Variants in DNM1 observed in about 807,000 individuals in gnomAD.
DNM1 encodes dynamin 1, also known as dynamin-1.
A neutral mutation model predicts 104.6 loss-of-function variants in DNM1; 29 were observed. That is an observed-to-expected ratio of 0.28 (90% CI 0.21 to 0.38). DNM1 has a LOEUF of 0.38. Ranked by LOEUF, DNM1 falls within the 10% of genes least tolerant of loss-of-function variation. The pLI is 1.00. For missense variants in DNM1, 640 were observed against 1,189.4 expected (o/e 0.54, Z 6.79); for synonymous variants, 445 against 475.8 (o/e 0.94, Z 0.84).
At chr9:128,251,006 TG>T in intron 21 of DNM1, 66 bp downstream of exon 21, 1 of 1,034,806 alleles carries the variant, frequency 9.7e-7, no homozygotes, top group South Asian at 1.4e-5. Flanking sequence ...GAAATGGGGC[TG>T]GATTCCAGAG....
chr9:128,235,151 G>A (rs1189826677), intron 11 of DNM1, among the ~76,000 whole-genome samples: 2 of 152,082 alleles, frequency 1.3e-5, no homozygotes, highest in Non-Finnish European at 2.9e-5. Flanking sequence ...TACAGTATCT[G>A]TCACTTAGCA....
chr9:128,254,974 T>C lies in DNM1; in HGVS notation c.*260T>C. ...CCTACACATGGCCAACCGCCTCGCCTCTAGCGCTGGGAATCAGTCACTGTG... is the reference window on the plus strand; with the variant it reads ...CCTACACATGGCCAACCGCCTCGCCCCTAGCGCTGGGAATCAGTCACTGTG... On this transcript the variant is annotated 3_prime_UTR_variant, in exon 22 of 22. Coordinates refer to ENST00000372923, the MANE Select transcript of DNM1 (RefSeq NM_004408.4). This position sits in a 1 kb window ranked among gnomAD's most constrained non-coding sequence, Gnocchi z 6.1. The C allele has an allele frequency of 2.7e-6, 1 of 373,068 alleles. No homozygotes were observed. Among genetic ancestry groups the C allele is most frequent in the Non-Finnish European group, 4.8e-6 (1 of 208,390 alleles). 23.1% of individuals were successfully genotyped at this position (373,068 alleles called of 1,614,324 possible).
In DNM1 at chr9:128,253,408, A is replaced by T; in HGVS notation, c.2535-1246A>T. 1.9e-6 allele frequency: 1 copy of T among 534,912 alleles called. No homozygotes were observed. The highest frequency in any genetic ancestry group is 3.2e-5 in the East Asian group (1 of 31,246). 33.1% of individuals were successfully genotyped at this position (534,912 alleles called of 1,614,324 possible). ...AGGCTCCGCGCCCAAGCTGGCAGAC[A>T]TGGGTGCTCTCTGGAGCCGTCAGAG... is the stretch of plus-strand genomic sequence containing the variant. On this transcript the variant is annotated intron_variant, in intron 21 of 21. Transcript: ENST00000372923. The surrounding 1 kb of genome is among the most constrained non-coding windows in gnomAD (Gnocchi z 5.9).
intron 10 of DNM1, among the ~76,000 whole-genome samples, chr9:128,225,433 G>A (rs920515853): frequency 7.9e-5 from 12 of 152,194 alleles, no homozygotes; most frequent in African/African-American, 2.4e-4. Context: ...TCTGCGCCAC[G>A]GTTTACGGGA....
rs1188546030 is a variant in DNM1, at chr9:128,243,030, A to G, written c.1671+685A>G. 6.6e-6 allele frequency among the ~76,000 whole-genome samples: 1 copy of G among 152,130 alleles called. No individual in the cohort carries two copies. Among genetic ancestry groups the G allele is most frequent in the Non-Finnish European group, 1.5e-5 (1 of 68,002 alleles). Reference sequence around the variant, plus strand: ...ACAGGCCCATGACACACACAAGTCTAGCTGCCAGACACCCGGTTAACCCCT... The same window carrying G: ...ACAGGCCCATGACACACACAAGTCTGGCTGCCAGACACCCGGTTAACCCCT... On this transcript the variant is annotated intron_variant, in intron 15 of 21. Coordinates refer to ENST00000372923, the MANE Select transcript of DNM1 (RefSeq NM_004408.4). This position sits in a 1 kb window ranked among gnomAD's most constrained non-coding sequence, Gnocchi z 4.0.
chr9:128,224,369 G>A lies in DNM1; in HGVS notation c.1315G>A (p.Val439Ile), dbSNP rs771062230. Residue 439 changes from valine (V) to isoleucine (I), a missense_variant, in exon 10 of 22, where the codon GTT becomes ATT. Physicochemically the swap from Val to Ile is conservative, Grantham distance 29. Transcript: ENST00000372923. The surrounding 1 kb of genome is among the most constrained non-coding windows in gnomAD (Gnocchi z 4.3). ...DMVISELIST[V>I]RQCTKKLQQY... ...GGTTATCTCGGAGCTAATCAGCACC[G>A]TTAGACAGTGCACCAAGAAGGTAAC... is the stretch of plus-strand genomic sequence containing the variant. The A allele has an allele frequency of 1.7e-4, 282 of 1,612,300 alleles. No individual in the cohort carries two copies. The highest frequency in any genetic ancestry group is 2.3e-4 in the Non-Finnish European group (267 of 1,178,836).
chr9:128,220,921 C>CTTTCTTTCTTTCTTTCTTTCTTTTCT lies in DNM1; in HGVS notation c.849+595_849+596insCTTTCTTTTCTTTTCTTTCTTTCTTT, dbSNP rs1834953486. Among the ~76,000 whole-genome samples, 1 of 143,786 alleles carries CTTTCTTTCTTTCTTTCTTTCTTTTCT rather than the reference C, an allele frequency of 7.0e-6. No homozygotes were observed. Among genetic ancestry groups the CTTTCTTTCTTTCTTTCTTTCTTTTCT allele is most frequent in the African/African-American group, 2.5e-5 (1 of 39,514 alleles). The allele number at this position is 143,786 out of a possible 152,430, so 94.3% of individuals were successfully genotyped here. A position where few individuals can be genotyped will look rare whatever the true frequency, so the allele number is the denominator to read the frequency against. On this transcript the variant is annotated intron_variant, in intron 6 of 21. Coordinates refer to ENST00000372923, the MANE Select transcript of DNM1 (RefSeq NM_004408.4). The surrounding 1 kb of genome is among the most constrained non-coding windows in gnomAD (Gnocchi z 5.2). The stretch of plus-strand genomic sequence containing the variant: ...TCTTTCTTTCTTTCTTTCTTTCTTT[C>CTTTCTTTCTTTCTTTCTTTCTTTTCT]TTTCTTTCTTTCTTTTCTTTTCTTT...
chr9:128,219,658 C>T (rs1356709131), intron 4 of DNM1, among the ~76,000 whole-genome samples: 1 of 148,856 alleles, frequency 6.7e-6, no homozygotes, highest in Non-Finnish European at 1.5e-5. Context: ...AAGAGTGAGA[C>T]CCTGTCTCAA....
chr9:128,244,915 G>A, intron 15 of DNM1: 1 of 385,190 alleles, frequency 2.6e-6, no homozygotes, highest in Non-Finnish European at 5.7e-6. Context: ...ACCCCAGCCT[G>A]TGTCCCCCTA....
At chr9:128,244,930 C>A in intron 15 of DNM1, 1 of 332,088 alleles carries the variant, frequency 3.0e-6, no homozygotes, top group Admixed American at 3.3e-5. Context: ...CCCCTAGCCC[C>A]AGACCAGCCA....
chr9:128,254,741 T>C lies in DNM1; in HGVS notation c.*27T>C, dbSNP rs763979321. 2.5e-6 allele frequency: 4 copies of C among 1,590,370 alleles called. No individual in the cohort carries two copies. The Admixed American group carries it at 5.0e-5, about 20-fold the overall frequency. ...CAGATCCCTCCTCTTCTCGGAGACCTCCCTTTCCAAGCCTGCCTGGACGGC... is the reference window on the plus strand; with the variant it reads ...CAGATCCCTCCTCTTCTCGGAGACCCCCCTTTCCAAGCCTGCCTGGACGGC... On this transcript the variant is annotated 3_prime_UTR_variant, in exon 22 of 22. Transcript: ENST00000372923. This position sits in a 1 kb window ranked among gnomAD's most constrained non-coding sequence, Gnocchi z 6.1.
At chr9:128,217,183 G>A (rs951674043) in intron 1 of DNM1, among the ~76,000 whole-genome samples, 4 of 152,186 alleles carry the variant, frequency 2.6e-5, no homozygotes, top group East Asian at 1.9e-4. Context: ...CTTCAAAGGC[G>A]GCTCGGTTCA....
chr9:128,218,891 C>A lies in DNM1; in HGVS notation c.386-158C>A. On this transcript the variant is annotated intron_variant, in intron 3 of 21. Coordinates refer to ENST00000372923, the MANE Select transcript of DNM1 (RefSeq NM_004408.4). This position sits in a 1 kb window ranked among gnomAD's most constrained non-coding sequence, Gnocchi z 4.8. The stretch of plus-strand genomic sequence containing the variant: ...TGCCGTGATTCCGCCCACTTCCGGC[C>A]ACGCCTCCAACAGACTGCCACTTTC... 1 of 1,293,774 alleles carries A rather than the reference C, an allele frequency of 7.7e-7. No homozygotes were observed. The highest frequency in any genetic ancestry group is 1.1e-6 in the Non-Finnish European group (1 of 950,112). The allele number at this position is 1,293,774 out of a possible 1,614,324, so 80.1% of individuals were successfully genotyped here.
chr9:128,236,160 A>G (rs1054801040), intron 11 of DNM1, among the ~76,000 whole-genome samples: 6 of 151,856 alleles, frequency 4.0e-5, no homozygotes, highest in African/African-American at 1.5e-4. Flanking sequence ...ATATTCATTC[A>G]TTTCTTCCTT....
Position 128,247,087 on chromosome 9 carries a change from A to C in DNM1, c.1782-288A>C. 3.4e-6 allele frequency: 1 copy of C among 293,766 alleles called. No homozygotes were observed. Among genetic ancestry groups the C allele is most frequent in the Non-Finnish European group, 6.5e-6 (1 of 154,664 alleles). 18.2% of individuals were successfully genotyped at this position (293,766 alleles called of 1,614,324 possible). On this transcript the variant is annotated intron_variant, in intron 16 of 21. Transcript: ENST00000372923. The surrounding 1 kb of genome is among the most constrained non-coding windows in gnomAD (Gnocchi z 5.1). The stretch of plus-strand genomic sequence containing the variant: ...GCTGGTGGGATCTGGGCCCCAAGCT[A>C]GAGACTTCACTGACTATGGTTGTCC...
chr9:128,215,651 C>A (rs538814106), intron 1 of DNM1, among the ~76,000 whole-genome samples: 1 of 152,338 alleles, frequency 6.6e-6, no homozygotes, highest in African/African-American at 2.4e-5. Flanking sequence ...GCTCCCCACA[C>A]CCGCTATGTG....
chr9:128,253,273 C>T lies in DNM1; in HGVS notation c.2535-1381C>T. ...TTCTGCAGCTGCAGACTTGCTCTTT[C>T]CTCTTTCTGTCCTTGTGCCGCTGGC... is the stretch of plus-strand genomic sequence containing the variant. On this transcript the variant is annotated intron_variant, in intron 21 of 21. Transcript: ENST00000372923. This position sits in a 1 kb window ranked among gnomAD's most constrained non-coding sequence, Gnocchi z 5.9. 1 of 796,836 alleles carries T rather than the reference C, an allele frequency of 1.3e-6. No homozygotes were observed. Among genetic ancestry groups the T allele is most frequent in the Non-Finnish European group, 2.0e-6 (1 of 489,648 alleles). The allele number at this position is 796,836 out of a possible 1,614,324, so 49.4% of individuals were successfully genotyped here.
chr9:128,240,031 G>A lies in DNM1; in HGVS notation c.1557+35G>A. On this transcript the variant is annotated intron_variant, in intron 14 of 21. Coordinates refer to ENST00000372923, the MANE Select transcript of DNM1 (RefSeq NM_004408.4). The surrounding 1 kb of genome is among the most constrained non-coding windows in gnomAD (Gnocchi z 5.1). ...AGGACTGGGGCTCTCGGCTTGTGTA[G>A]TGAGGGGGCGGAGGGTCCATCGGCA... 2 of 1,613,734 alleles carry A rather than the reference G, an allele frequency of 1.2e-6. No individual in the cohort carries two copies. The highest frequency in any genetic ancestry group is 8.5e-7 in the Non-Finnish European group (1 of 1,179,696).
intron 10 of DNM1, chr9:128,232,086 G>T (rs757196581): frequency 2.9e-5 from 13 of 454,712 alleles, no homozygotes; most frequent in Middle Eastern, 3.2e-4. Context: ...CCTGCCATGG[G>T]TGACACGTGG....
Sources: allele counts gnomAD v4.1 joint callset (sites outside exome capture counted in the v4.1 genomes callset), GRCh38; gene constraint gnomAD v4.1.1; non-coding constraint Gnocchi (gnomAD v3.1); transcripts MANE v1.5; gene names NCBI Gene and HGNC (gene_info 2026-07-23, HGNC 2026-07-21).